MAP4: variants seen among roughly 807,000 people sequenced by gnomAD.
MAP4 encodes the protein microtubule associated protein 4.
A neutral mutation model predicts 170.2 loss-of-function variants in MAP4; 76 were observed. The ratio of observed to expected loss-of-function variants is 0.45; its 90% CI spans 0.37 to 0.54. The LOEUF (loss-of-function observed/expected upper bound fraction) is 0.54. Ranked by LOEUF, MAP4 falls within the 20% of genes least tolerant of loss-of-function variation. The pLI, the probability that MAP4 is intolerant of heterozygous loss-of-function variation, is 0.00. For synonymous variants in MAP4, 909 were observed against 994.5 expected (o/e 0.91, Z 1.62); for missense variants, 2,506 against 2,748.0 (o/e 0.91, Z 1.97).
intron 3 of MAP4, among the ~76,000 whole-genome samples, chr3:47,935,849 G>T (rs1449866416): frequency 1.3e-5 from 2 of 148,436 alleles, no homozygotes; most frequent in African/African-American, 5.0e-5. Flanking sequence ...TGAGACAGGA[G>T]AATTGCTTGA....
At chr3:48,083,511 G>A (rs764984464) in intron 1 of MAP4, among the ~76,000 whole-genome samples, 16 of 151,480 alleles carry the variant, frequency 1.1e-4, no homozygotes, top group African/African-American at 3.1e-4. Context: ...GATTACAGGC[G>A]CCCGCCACCA....
chr3:48,086,043 C>T (rs1172495162), intron 1 of MAP4, among the ~76,000 whole-genome samples: 1 of 151,468 alleles, frequency 6.6e-6, no homozygotes, highest in Admixed American at 6.6e-5. Flanking sequence ...CAGAGTAAGA[C>T]TCCATCTCAA....
intron 2 of MAP4, among the ~76,000 whole-genome samples, chr3:47,989,228 T>C (rs1444208194): frequency 2.0e-5 from 3 of 152,224 alleles, no homozygotes; most frequent in African/African-American, 2.4e-5. Flanking sequence ...CTGGGCAATA[T>C]AGCAAGACCA....
intron 1 of MAP4, among the ~76,000 whole-genome samples, chr3:48,011,399 C>A (rs2100105163): frequency 6.6e-6 from 1 of 151,924 alleles, no homozygotes; most frequent in South Asian, 2.1e-4. Flanking sequence ...TAGCTGGGCA[C>A]TGATTTTTAT....
Position 48,001,119 on chromosome 3 carries a change from C to T in MAP4, c.-19-2240G>A, listed in dbSNP as rs544664277. Among the ~76,000 whole-genome samples, 33 of 152,108 alleles carry T rather than the reference C, an allele frequency of 2.2e-4. 1 individual carries two copies. Among genetic ancestry groups the T allele is most frequent in the Admixed American group, 1.6e-3 (24 of 15,272 alleles). On this transcript the variant is annotated intron_variant, in intron 1 of 20. Transcript: ENST00000683076. ...GCACAGAGGCTTAAGAATCAAGATC[C>T]GATACCCAAATAAGTACAGACAGGA...
chr3:47,926,654 C>A (rs964179785), intron 4 of MAP4, among the ~76,000 whole-genome samples: 1 of 152,160 alleles, frequency 6.6e-6, no homozygotes, highest in Non-Finnish European at 1.5e-5. Flanking sequence ...CCCACCCCAG[C>A]CTCCCGAGTA....
intron 1 of MAP4, among the ~76,000 whole-genome samples, chr3:48,048,909 T>C (rs1346834698): frequency 1.3e-5 from 2 of 152,200 alleles, no homozygotes; most frequent in African/African-American, 4.8e-5. Flanking sequence ...GCTACCTCTC[T>C]GTATTTATAG....
At chr3:47,976,709 G>A (rs2100082375) in intron 3 of MAP4, among the ~76,000 whole-genome samples, 1 of 152,160 alleles carries the variant, frequency 6.6e-6, no homozygotes, top group African/African-American at 2.4e-5. Flanking sequence ...GGAAGATAAA[G>A]TGGCATTTCT....
intron 1 of MAP4, among the ~76,000 whole-genome samples, chr3:48,077,400 C>T (rs1408992937): frequency 3.3e-5 from 5 of 149,270 alleles, no homozygotes; most frequent in African/African-American, 1.2e-4. Context: ...GAGCTGAGAT[C>T]GTGCCATTGC....
intron 5 of MAP4, among the ~76,000 whole-genome samples, chr3:47,919,916 T>TTTG (rs34455536): frequency 0.044 from 6,716 of 151,156 alleles, 212 homozygotes; most frequent in Non-Finnish European, 0.059. Flanking sequence ...TTGTAGCAGT[T>TTTG]TTGTTGTTGT....
In MAP4 at chr3:47,916,095, G is replaced by T. The variant is rs771485774; in HGVS notation, c.1732C>A (p.Pro578Thr). The T allele has an allele frequency of 1.5e-5, 25 of 1,614,056 alleles. No individual in the cohort carries two copies. The highest frequency in any genetic ancestry group is 1.3e-5 in the Non-Finnish European group (15 of 1,180,044). The stretch of plus-strand genomic sequence containing the variant: ...GGTGTTGCCTCTGTTTCTGAGAGTG[G>T]TGGAACATCTTTGGCTGGAGTCACA... ...NNVTPAKDVP[P>T]LSETEATPVP... The change falls in exon 7 of 21, where the codon CCA becomes ACA. Residue 578 changes from proline (P) to threonine (T), a missense_variant. Around this residue, in one of 3 missense-constraint regions of MAP4, gnomAD observed 2,008 missense variants for 2,206.0 expected, o/e 0.91. Transcript: ENST00000683076.
At chr3:48,072,045 A>G (rs959445028) in intron 1 of MAP4, among the ~76,000 whole-genome samples, 3 of 151,664 alleles carry the variant, frequency 2.0e-5, no homozygotes, top group African/African-American at 7.3e-5. Flanking sequence ...CTAAAAACAT[A>G]AACATTAGCC....
intron 10 of MAP4, chr3:47,892,949 A>G: frequency 1.1e-6 from 1 of 947,740 alleles, no homozygotes; most frequent in Non-Finnish European, 1.3e-6. Flanking sequence ...TGTTTTAAAA[A>G]TAACCGAGAC....
rs1449420385 is a variant in MAP4, at chr3:47,853,321, C to G, written c.6728G>C (p.Cys2243Ser). 2 of 1,610,614 alleles carry G rather than the reference C, an allele frequency of 1.2e-6. No individual in the cohort carries two copies. Among genetic ancestry groups the G allele is most frequent in the East Asian group, 4.5e-5 (2 of 44,842 alleles). Residue 2243 changes from cysteine to serine, a missense_variant, in exon 20 of 21, where the codon TGT (cysteine) becomes TCT (serine). Coordinates refer to ENST00000683076, the MANE Select transcript of MAP4 (RefSeq NM_001385682.1). ...CTCCTCCCCAGCAGGGGGACCCGGA[C>G]ACAGAGGAGCCTCGCTGCCACCGCC... ...TEGGGSEAPL[C>S]PGPPAGEEPA... is the part of the protein sequence containing the mutation.
chr3:47,871,265 G>A lies in MAP4; in HGVS notation c.5963C>T (p.Pro1988Leu), dbSNP rs542341878. The A allele has an allele frequency of 3.1e-6, 5 of 1,614,138 alleles. No homozygotes were observed. In the South Asian group the frequency reaches 4.4e-5, roughly 14 times the overall value. ...KPTAIKTEGK[P>L]AEVKKMTAKS... ...TGCAGTCATCTTCTTGACTTCTGCA[G>A]GTTTTCCCTCAGTCTTAATGGCTGT... The change falls in exon 14 of 21, where the codon CCT becomes CTT. Residue 1988 changes from proline (P) to leucine (L), a missense_variant. By Grantham distance (98) the Pro-to-Leu change is moderately conservative (BLOSUM62 -3). Coordinates refer to ENST00000683076, the MANE Select transcript of MAP4 (RefSeq NM_001385682.1).
chr3:47,893,877 T>G (rs1174845531), intron 10 of MAP4, among the ~76,000 whole-genome samples: 1 of 152,110 alleles, frequency 6.6e-6, no homozygotes, highest in African/African-American at 2.4e-5. Context: ...GTCTATAAAA[T>G]GTAAAGAAAT....
chr3:47,903,572 G>C (rs538672342), intron 9 of MAP4, among the ~76,000 whole-genome samples: 16 of 151,668 alleles, frequency 1.1e-4, no homozygotes, highest in African/African-American at 3.4e-4. Context: ...GAAAAGTTGA[G>C]CTTAGACTTC....
rs189024117 is a variant in MAP4, at chr3:48,071,775, G to A, written c.-20+16998C>T. ...CCCCATTAGCAGGGTGTGGTGGTGCGTACCTGTAGTCCCAGATACTCGGGA... is the reference window on the plus strand; with the variant it reads ...CCCCATTAGCAGGGTGTGGTGGTGCATACCTGTAGTCCCAGATACTCGGGA... On this transcript the variant is annotated intron_variant, in intron 1 of 18. Transcript: ENST00000360240. Among the ~76,000 whole-genome samples, 372 of 151,896 alleles carry A rather than the reference G, an allele frequency of 2.4e-3. 3 individuals are homozygous for A. The highest frequency in any genetic ancestry group is 8.4e-3 in the African/African-American group (346 of 41,434).
intron 3 of MAP4, among the ~76,000 whole-genome samples, chr3:47,938,197 C>T (rs976818888): frequency 3.3e-5 from 5 of 151,502 alleles, no homozygotes; most frequent in Non-Finnish European, 7.4e-5. Context: ...CATGATGAAA[C>T]GCTGTCTCTA....
Sources: gnomAD v4.1 joint callset for allele counts (sites outside exome capture counted in the v4.1 genomes callset) on GRCh38, gnomAD v4.1.1 for gene constraint, gnomAD v4.1.1 regional missense constraint, MANE v1.5 for transcripts, NCBI Gene and HGNC (gene_info 2026-07-23, HGNC 2026-07-21) for gene names.